SMYD3: variants seen among roughly 807,000 people sequenced by gnomAD.
The protein encoded by SMYD3 is histone-lysine N-methyltransferase SMYD3.
In SMYD3, 36 loss-of-function variants were observed where a neutral mutation model predicts 57.7. The observed-to-expected ratio is 0.62, with a 90% CI of 0.48 to 0.82. The LOEUF (loss-of-function observed/expected upper bound fraction) is 0.82, where lower values mean the gene tolerates loss of function less well. Ranked by LOEUF, SMYD3 falls within the 40% of genes least tolerant of loss-of-function variation. The pLI, the probability that SMYD3 is intolerant of heterozygous loss-of-function variation, is 0.00. For synonymous variants in SMYD3, 211 were observed against 195.0 expected, an observed-to-expected ratio of 1.08 and a Z score of -0.68; for missense variants, 515 against 538.8, an observed-to-expected ratio of 0.96 and a Z score of 0.44.
chr1:245,906,133 A>G (rs568007609), intron 8 of SMYD3, among the ~76,000 whole-genome samples: 1 of 152,324 alleles, frequency 6.6e-6, no homozygotes, highest in African/African-American at 2.4e-5. Flanking sequence ...CAAAGAAAAC[A>G]TGGACAAATG....
chr1:245,843,487 TCC>T (rs1407572848), intron 10 of SMYD3, among the ~76,000 whole-genome samples: 1 of 152,004 alleles, frequency 6.6e-6, no homozygotes, highest in Non-Finnish European at 1.5e-5. Flanking sequence ...CATTAAAATA[TCC>T]ACCATGTGGC....
intron 5 of SMYD3, chr1:246,113,753 G>A (rs958490103): frequency 3.3e-5 from 5 of 152,158 alleles, no homozygotes; most frequent in Non-Finnish European, 5.9e-5. Flanking sequence ...GCATCTGAAT[G>A]GTCATGACTG....
intron 5 of SMYD3, among the ~76,000 whole-genome samples, chr1:246,006,443 C>T (rs1013435545): frequency 4.6e-5 from 7 of 152,082 alleles, no homozygotes; most frequent in African/African-American, 1.4e-4. Context: ...CCCTGTTTCC[C>T]AGACGGAACT....
At chr1:246,195,630 C>T (rs1307856599) in intron 5 of SMYD3, among the ~76,000 whole-genome samples, 1 of 152,216 alleles carries the variant, frequency 6.6e-6, no homozygotes, top group Non-Finnish European at 1.5e-5. Context: ...CACACACACA[C>T]ACGCACTGAA....
chr1:245,990,189 C>T (rs1483161604), intron 5 of SMYD3, among the ~76,000 whole-genome samples: 5 of 152,132 alleles, frequency 3.3e-5, no homozygotes, highest in Admixed American at 2.0e-4. Context: ...CCCGCCTCAT[C>T]GTCCTGAGTA....
At chr1:245,940,237 A>C (rs1345699609) in intron 5 of SMYD3, among the ~76,000 whole-genome samples, 1 of 152,144 alleles carries the variant, frequency 6.6e-6, no homozygotes, top group Non-Finnish European at 1.5e-5. Context: ...CAGTCTGGAC[A>C]AGGGGAACTC....
chr1:246,065,923 T>G (rs770452460), intron 5 of SMYD3, among the ~76,000 whole-genome samples: 2 of 152,234 alleles, frequency 1.3e-5, no homozygotes, highest in Non-Finnish European at 2.9e-5. Flanking sequence ...ACTTTTTTCT[T>G]CTTTAATCCA....
rs200737545 is a variant in SMYD3 at position 246,149,586 on chromosome 1, TA to T, written c.531+177614del. Among the ~76,000 whole-genome samples, 1,120 of 151,952 alleles carry T rather than the reference TA, an allele frequency of 7.4e-3. 11 individuals are homozygous for T. Among genetic ancestry groups the T allele is most frequent in the African/African-American group, 0.025 (1,052 of 41,470 alleles). On this transcript the variant is annotated intron_variant, in intron 5 of 11. Transcript: ENST00000490107. ...ACTGCATTAAAAATAATGAGGCAGA[TA>T]AAAAAAAGCTTTTATTATTTTAATG...
At chr1:246,174,412 A>G (rs1370188355) in intron 5 of SMYD3, among the ~76,000 whole-genome samples, 2 of 152,112 alleles carry the variant, frequency 1.3e-5, no homozygotes, top group African/African-American at 4.8e-5. Context: ...CCAAAACATC[A>G]TTATGCTGCC....
chr1:245,817,263 G>T (rs1317049116), intron 10 of SMYD3, among the ~76,000 whole-genome samples: 1 of 144,080 alleles, frequency 6.9e-6, no homozygotes, highest in Non-Finnish European at 1.5e-5. Flanking sequence ...AGCCTAACTG[G>T]GAGGCACCCC....
Position 246,240,337 on chromosome 1 carries a change from T to C in SMYD3, c.531+86864A>G, listed in dbSNP as rs532608624. 2.6e-5 allele frequency among the ~76,000 whole-genome samples: 4 copies of C among 152,346 alleles called. No homozygotes were observed. In the East Asian group the frequency reaches 5.8e-4, roughly 22 times the overall value. On this transcript the variant is annotated intron_variant, in intron 5 of 11. Coordinates refer to ENST00000490107, the MANE Select transcript of SMYD3 (RefSeq NM_001167740.2). Reference sequence around the variant, plus strand: ...TAGTCACTTTTGCCAGCAACATTTATTAAATAGGGAATCTTTCCCCCATTT... The same window carrying C: ...TAGTCACTTTTGCCAGCAACATTTACTAAATAGGGAATCTTTCCCCCATTT...
intron 5 of SMYD3, among the ~76,000 whole-genome samples, chr1:246,003,915 A>C (rs933472701): frequency 6.6e-6 from 1 of 152,202 alleles, no homozygotes; most frequent in Non-Finnish European, 1.5e-5. Context: ...ACTGGGACCC[A>C]CGACTTGGGG....
chr1:245,943,767 CA>C (rs1450774334), intron 5 of SMYD3, among the ~76,000 whole-genome samples: 6 of 152,122 alleles, frequency 3.9e-5, no homozygotes, highest in Admixed American at 3.9e-4. Context: ...AGCAGCACAT[CA>C]AAAAACTTAC....
chr1:246,332,262 C>A (rs1278361450), intron 3 of SMYD3, among the ~76,000 whole-genome samples: 1 of 152,128 alleles, frequency 6.6e-6, no homozygotes, highest in East Asian at 1.9e-4. Context: ...AGAGCTACTC[C>A]CATGAACACA....
Position 246,150,010 on chromosome 1 carries a change from T to G in SMYD3, c.531+177191A>C, listed in dbSNP as rs2061916748. Among the ~76,000 whole-genome samples, 3 of 152,220 alleles carry G rather than the reference T, an allele frequency of 2.0e-5. No individual in the cohort carries two copies. The South Asian group carries it at 6.2e-4, about 32-fold the overall frequency. ...CAAGTTAATTTAATCTCTCTGTTCT[T>G]TTGCATCCGCAGCTATAGAGAAAGA... On this transcript the variant is annotated intron_variant, in intron 5 of 11. Coordinates refer to ENST00000490107, the MANE Select transcript of SMYD3 (RefSeq NM_001167740.2).
chr1:246,182,909 G>A (rs1448527542), intron 5 of SMYD3, among the ~76,000 whole-genome samples: 1 of 152,050 alleles, frequency 6.6e-6, no homozygotes, highest in East Asian at 1.9e-4. Context: ...TCCAGACCCG[G>A]CTGAGAAGAC....
intron 10 of SMYD3, among the ~76,000 whole-genome samples, chr1:245,814,670 T>C (rs1277904046): frequency 6.6e-6 from 1 of 152,118 alleles, no homozygotes; most frequent in East Asian, 1.9e-4. Context: ...TCACTTAAGC[T>C]TGTGCCGGCT....
intron 5 of SMYD3, chr1:245,955,995 A>T: frequency 1.0e-6 from 1 of 985,376 alleles, no homozygotes. Context: ...TATGAAGAGA[A>T]TTTCCATAGG....
intron 8 of SMYD3, among the ~76,000 whole-genome samples, chr1:245,877,563 G>A (rs550726681): frequency 6.6e-6 from 1 of 152,354 alleles, no homozygotes; most frequent in East Asian, 1.9e-4. Flanking sequence ...CCGTGCCTTA[G>A]CAACAGTGAG....
Sources: gnomAD v4.1 joint callset for allele counts (sites outside exome capture counted in the v4.1 genomes callset) on GRCh38, gnomAD v4.1.1 for gene constraint, MANE v1.5 for transcripts, NCBI Gene and HGNC (gene_info 2026-07-23, HGNC 2026-07-21) for gene names.